The following PRIM2 variants were observed in gnomAD, a reference collection of about 807,000 sequenced individuals.
The protein encoded by PRIM2 is DNA primase large subunit.
A neutral mutation model predicts 67.3 loss-of-function variants in PRIM2; 39 were observed. The observed-to-expected ratio is 0.58, with a 90% confidence interval of 0.45 to 0.76. PRIM2 has a LOEUF of 0.76. Ranked by LOEUF, PRIM2 falls within the 30% of genes least tolerant of loss-of-function variation. PRIM2 has a pLI of 0.00. For synonymous variants in PRIM2, 143 were observed against 198.7 expected, an observed-to-expected ratio of 0.72 and a Z score of 2.36; for missense variants, 398 against 598.7, an observed-to-expected ratio of 0.66 and a Z score of 3.50.
intron 7 of PRIM2, among the ~76,000 whole-genome samples, chr6:57,457,283 C>A (rs1490738696): frequency 2.0e-5 from 3 of 152,198 alleles, no homozygotes; most frequent in African/African-American, 7.2e-5. Flanking sequence ...TCTCCAGCTG[C>A]GTGCTGGGAG....
the PRIM2 span, among the ~76,000 whole-genome samples, chr6:57,233,574 C>A: frequency 6.6e-6 from 1 of 151,628 alleles, no homozygotes; most frequent in Admixed American, 6.6e-5. Flanking sequence ...ATCTTGTTAA[C>A]AATGTCTTTC....
At chr6:57,267,966 T>C in the PRIM2 span, among the ~76,000 whole-genome samples, 24 of 152,164 alleles carry the variant, frequency 1.6e-4, no homozygotes, top group East Asian at 3.3e-3. Context: ...TGTTGAGCTA[T>C]GGGCATTGAG....
chr6:57,257,616 G>T, the PRIM2 span, among the ~76,000 whole-genome samples: 1 of 152,106 alleles, frequency 6.6e-6, no homozygotes, highest in African/African-American at 2.4e-5. Context: ...TTGAACTGGT[G>T]GTAAACTACT....
chr6:57,627,810 C>A (rs1198661843), intron 12 of PRIM2, among the ~76,000 whole-genome samples: 2 of 152,158 alleles, frequency 1.3e-5, no homozygotes, highest in East Asian at 3.8e-4. Context: ...AGTCATACTG[C>A]CATTTGTATA....
Position 57,645,913 on chromosome 6 carries a change from T to G in PRIM2, c.1300-15T>G. On this transcript the variant is annotated splice_polypyrimidine_tract_variant and intron_variant, in intron 13 of 13. Transcript: ENST00000615550. ...TGCCATGCATTAATGCAATATAAAT[T>G]TCCTTCCTTTACAGGTGGATGATTG... 1 of 1,339,010 alleles carries G rather than the reference T, an allele frequency of 7.5e-7. No homozygotes were observed. The highest frequency in any genetic ancestry group is 1.1e-6 in the Non-Finnish European group (1 of 941,902). The allele number at this position is 1,339,010 out of a possible 1,614,324, so 82.9% of individuals were successfully genotyped here.
At chr6:57,617,888 C>G (rs1227506275) in intron 12 of PRIM2, among the ~76,000 whole-genome samples, 1 of 152,208 alleles carries the variant, frequency 6.6e-6, no homozygotes, top group South Asian at 2.1e-4. Context: ...ATATTTAGGT[C>G]ATTGATCCCT....
intron 7 of PRIM2, among the ~76,000 whole-genome samples, chr6:57,492,914 A>G (rs1773930442): frequency 6.6e-6 from 1 of 152,228 alleles, no homozygotes; most frequent in Admixed American, 6.5e-5. Context: ...AGCAAGTGAT[A>G]CTTGTATCTA....
At chr6:57,309,984 A>G (rs537550456), upstream of PRIM2, among the ~76,000 whole-genome samples, 414 of 152,296 alleles carry the variant, frequency 2.7e-3, no homozygotes, top group Non-Finnish European at 4.2e-3. Flanking sequence ...AGCAAAAGAA[A>G]CTACCATCAG....
intron 7 of PRIM2, among the ~76,000 whole-genome samples, chr6:57,498,413 G>C (rs1554346549): frequency 6.6e-6 from 1 of 151,760 alleles, no homozygotes; most frequent in Non-Finnish European, 1.5e-5. Flanking sequence ...TAAAATAAAC[G>C]TAAATTTGGT....
At chr6:57,238,870 A>C in the PRIM2 span, among the ~76,000 whole-genome samples, 2 of 152,362 alleles carry the variant, frequency 1.3e-5, no homozygotes, top group East Asian at 3.9e-4. Context: ...ACAGCCTTGA[A>C]TAACTCTTCT....
intron 7 of PRIM2, among the ~76,000 whole-genome samples, chr6:57,505,693 A>ATAG: frequency 6.6e-6 from 1 of 152,318 alleles, no homozygotes; most frequent in East Asian, 1.9e-4. Flanking sequence ...AGATGTATTA[A>ATAG]TAGTTTAGGG....
chr6:57,435,336 G>C (rs1771976254), intron 7 of PRIM2: 1 of 152,128 alleles, frequency 6.6e-6, no homozygotes, highest in African/African-American at 2.4e-5. Context: ...ATAACATTCG[G>C]GAAGGACAGG....
At chr6:57,365,536 G>A (rs1769328307) in intron 5 of PRIM2, among the ~76,000 whole-genome samples, 1 of 151,962 alleles carries the variant, frequency 6.6e-6, no homozygotes, top group Non-Finnish European at 1.5e-5. Flanking sequence ...GTCTTTTGGG[G>A]TTTCATCACA....
intron 5 of PRIM2, among the ~76,000 whole-genome samples, chr6:57,333,859 AT>A (rs1768136260): frequency 6.6e-6 from 1 of 152,200 alleles, no homozygotes; most frequent in Non-Finnish European, 1.5e-5. Context: ...TTGTGGAATG[AT>A]TACATCTAGC....
chr6:57,550,027 G>C (rs1317151635), intron 10 of PRIM2, among the ~76,000 whole-genome samples: 2 of 152,110 alleles, frequency 1.3e-5, no homozygotes, highest in African/African-American at 4.8e-5. Context: ...GGAGGTTGTG[G>C]TGAGCTGAGA....
intron 5 of PRIM2, among the ~76,000 whole-genome samples, chr6:57,355,291 G>A (rs1768993979): frequency 7.3e-6 from 1 of 137,226 alleles, no homozygotes; most frequent in Non-Finnish European, 1.5e-5. Flanking sequence ...GTAACAGCGA[G>A]ACTCTGTCTC....
At chr6:57,309,083 G>A in the PRIM2 span, among the ~76,000 whole-genome samples, 1 of 151,522 alleles carries the variant, frequency 6.6e-6, no homozygotes. Context: ...AGGTCCCTGC[G>A]GCCTTCGGCC....
chr6:57,498,209 A>G (rs1774049107), intron 7 of PRIM2, among the ~76,000 whole-genome samples: 1 of 152,106 alleles, frequency 6.6e-6, no homozygotes, highest in Non-Finnish European at 1.5e-5. Context: ...CCTGATCTAT[A>G]AATTGTTTAT....
chr6:57,251,544 T>G, the PRIM2 span, among the ~76,000 whole-genome samples: 1 of 152,202 alleles, frequency 6.6e-6, no homozygotes, highest in Non-Finnish European at 1.5e-5. Context: ...ACTACCTAGC[T>G]TGGATCAGAT....
Sources: allele counts gnomAD v4.1 joint callset (sites outside exome capture counted in the v4.1 genomes callset), GRCh38; gene constraint gnomAD v4.1.1; transcripts MANE v1.5; gene names NCBI Gene and HGNC (gene_info 2026-07-23, HGNC 2026-07-21).